The following TLE6 variants were observed in gnomAD, a reference collection of about 807,000 sequenced individuals.
TLE6 encodes the protein TLE family member 6, subcortical maternal complex member.
In TLE6, 72 loss-of-function variants were observed where a neutral mutation model predicts 77.1. That is an observed-to-expected ratio of 0.93 (90% CI 0.77 to 1.14). The LOEUF is 1.14. Among genes scored for constraint, TLE6 ranks in the 50% most tolerant of loss-of-function variants. The probability of loss-of-function intolerance (pLI) is 0.00; values close to 1 mark genes in which losing one functional copy is unlikely to be tolerated. For missense variants in TLE6, 843 were observed against 747.6 expected (o/e 1.13, Z -1.49); for synonymous variants, 366 against 287.3 (o/e 1.27, Z -2.77).
chr19:2,987,098 G>A lies in TLE6; in HGVS notation c.401G>A (p.Arg134Gln), dbSNP rs112012418. The change falls in exon 7 of 17, where the codon CGG becomes CAG. Residue 134 changes from arginine (R) to glutamine (Q), a missense_variant. Physicochemically the swap from Arg to Gln is conservative, Grantham distance 43 (BLOSUM62 1). Transcript: ENST00000246112. The stretch of plus-strand genomic sequence containing the variant: ...ACCAGGTCCTCCGACTGGCTCCGGC[G>A]GCCTTTGGGGGAGGACAATCAGCCG... ...MATRSSDWLRRPLGEDNQPET... is the reference protein window; with the variant it reads ...MATRSSDWLRQPLGEDNQPET... 4.0e-5 allele frequency: 64 copies of A among 1,614,036 alleles called. No individual in the cohort carries two copies. Among genetic ancestry groups the A allele is most frequent in the South Asian group, 1.1e-4 (10 of 91,094 alleles).
chr19:2,986,945 T>A, intron 6 of TLE6, 38 bp from the exon 7 acceptor site: 1 of 1,558,288 alleles, frequency 6.4e-7, no homozygotes. Flanking sequence ...TGAAGGCTCA[T>A]CCTCAAAGCT....
At position 2,989,204 on chromosome 19, in the gene TLE6, G is replaced by T. The variant is rs1199763375; in HGVS notation, c.884G>T (p.Ser295Ile). The T allele has an allele frequency of 6.2e-7, 1 of 1,614,038 alleles. No individual in the cohort carries two copies. Among genetic ancestry groups the T allele is most frequent in the African/African-American group, 1.3e-5 (1 of 74,954 alleles). ...HGELVLATAI[S>I]SFTRHVFTCG... Reference sequence around the variant, plus strand: ...GAGCTCGTGCTCGCCACGGCCATCAGCAGCTTCACGCGGCACGTGTTCACC... The same window carrying T: ...GAGCTCGTGCTCGCCACGGCCATCATCAGCTTCACGCGGCACGTGTTCACC... The change falls in exon 12 of 17, where the codon AGC (serine) becomes ATC (isoleucine). Residue 295 changes from serine (S) to isoleucine (I), a missense_variant. Physicochemically the swap from Ser to Ile is moderately radical, Grantham distance 142. Transcript: ENST00000246112.
chr19:2,992,045 T>C, intron 14 of TLE6, 61 bp downstream of exon 14: 3 of 1,591,720 alleles, frequency 1.9e-6, no homozygotes, highest in Non-Finnish European at 2.6e-6. Context: ...GATTAAAAAA[T>C]GAGGTTGAGG....
In TLE6 at chr19:2,994,940, C is replaced by A. The variant is rs778271167; in HGVS notation, c.1655C>A (p.Ser552Tyr). The A allele has an allele frequency of 1.2e-6, 2 of 1,608,360 alleles. No homozygotes were observed. The highest frequency in any genetic ancestry group is 1.7e-5 in the Admixed American group (1 of 59,520). ...MSPVTCCDVS[S>Y]NNRLVVTGSG... ...CCAGTCACGTGCTGTGACGTCTCTTCCAACAACCGCCTCGTTGTCACAGGC... is the reference window on the plus strand; with the variant it reads ...CCAGTCACGTGCTGTGACGTCTCTTACAACAACCGCCTCGTTGTCACAGGC... Residue 552 changes from serine to tyrosine, a missense_variant, in exon 17 of 17, where the codon TCC becomes TAC. Ser to Tyr is a moderately radical substitution (Grantham distance 144). Transcript: ENST00000246112.
Position 2,993,443 on chromosome 19 carries a change from G to A in TLE6, c.1398G>A (p.Leu466=), listed in dbSNP as rs200869544. 1.8e-5 allele frequency: 29 copies of A among 1,601,766 alleles called. No homozygotes were observed. The East Asian group carries it at 6.1e-4, about 34-fold the overall frequency. ...EYQFKSQIMS[L]SHSPQEDWVL... ...TGCCCATTACCTAGATAATGAGCCT[G>A]TCCCACAGCCCCCAGGAGGACTGGG... is the stretch of plus-strand genomic sequence containing the variant. The change falls in exon 15 of 17, where the codon CTG becomes CTA. Residue 466 remains leucine, a synonymous_variant. Coordinates refer to ENST00000246112, the MANE Select transcript of TLE6 (RefSeq NM_001143986.2).
chr19:2,978,432 C>G, intron 2 of TLE6, 148 bp downstream of exon 2: 1 of 751,014 alleles, frequency 1.3e-6, no homozygotes, highest in South Asian at 1.8e-5. Context: ...AAGACAGGTG[C>G]CAAGGAGCCG....
chr19:2,993,997 G>C (rs372757142), intron 15 of TLE6, 22 bp from the exon 16 acceptor site: 7 of 1,588,396 alleles, frequency 4.4e-6, no homozygotes, highest in Admixed American at 1.8e-5. Context: ...TCTAAGTCTC[G>C]CTGATGCTCC....
intron 11 of TLE6, among the ~76,000 whole-genome samples, chr19:2,988,422 C>T (rs2088966058): frequency 6.6e-6 from 1 of 152,044 alleles, no homozygotes; most frequent in Non-Finnish European, 1.5e-5. Context: ...CGGTGAAACC[C>T]CGTCTCTACT....
intron 11 of TLE6, 33 bp from the exon 12 acceptor site, chr19:2,989,028 C>T (rs1017254817): frequency 1.9e-6 from 3 of 1,605,582 alleles, no homozygotes; most frequent in Non-Finnish European, 1.7e-6. Flanking sequence ...GGCTCACAAG[C>T]AGGTCAGTTA....
intron 12 of TLE6, 76 bp downstream of exon 12, chr19:2,989,389 C>T: frequency 1.3e-6 from 2 of 1,593,034 alleles, no homozygotes; most frequent in East Asian, 2.2e-5. Context: ...TGGCAGAGCC[C>T]AGATCGTGGA....
In TLE6 at chr19:2,986,868, C is replaced by G; in HGVS notation, c.262C>G (p.Leu88Val). 6.4e-7 allele frequency: 1 copy of G among 1,551,782 alleles called. No homozygotes were observed. Among genetic ancestry groups the G allele is most frequent in the Non-Finnish European group, 8.7e-7 (1 of 1,147,018 alleles). ...VLQIVESCSQ[L>V]QGFQSEEVSP... Reference sequence around the variant, plus strand: ...ACAGATTGTGGAGAGCTGCAGCCAACTCCAGGGTTTCCAGTCTGAGGAGGT... The same window carrying G: ...ACAGATTGTGGAGAGCTGCAGCCAAGTCCAGGGTTTCCAGTCTGAGGAGGT... The change falls in exon 6 of 17, where the codon CTC becomes GTC. Residue 88 changes from leucine to valine, a missense_variant. Transcript: ENST00000246112.
chr19:2,982,321 T>A (rs906723258), intron 5 of TLE6, 132 bp downstream of exon 5: 20 of 961,614 alleles, frequency 2.1e-5, no homozygotes, highest in Non-Finnish European at 3.0e-5. Flanking sequence ...GTGGATCACT[T>A]GAGGTCAGGA....
chr19:2,987,346 A>C lies in TLE6; in HGVS notation c.542-10A>C, dbSNP rs767771606. ...TGTCCCCCTCCTCCTCTCCGTTGTC[A>C]TGGTGACAGAGCAGGCACCAGGCCT... On this transcript the variant is annotated splice_polypyrimidine_tract_variant and intron_variant, in intron 7 of 16. Coordinates refer to ENST00000246112, the MANE Select transcript of TLE6 (RefSeq NM_001143986.2). The C allele has an allele frequency of 6.8e-5, 109 of 1,614,010 alleles. No homozygotes were observed. The highest frequency in any genetic ancestry group is 9.2e-5 in the Non-Finnish European group (108 of 1,180,032).
At chr19:2,991,393 TATACACACAC>T (rs1406261884) in intron 13 of TLE6, among the ~76,000 whole-genome samples, 1 of 110,058 alleles carries the variant, frequency 9.1e-6, no homozygotes, top group Non-Finnish European at 1.8e-5. Context: ...TATATATATA[TATACACACAC>T]ACACACACAC....
rs775845888 is a variant in TLE6 at position 2,985,698 on chromosome 19, C to T, written c.223-1131C>T. ...CCTCCCAGAGTGCTGGGATTACAGG[C>T]GTGAGCCACCGCACCCGGCCTGCTT... is the stretch of plus-strand genomic sequence containing the variant. On this transcript the variant is annotated intron_variant, in intron 5 of 16. Coordinates refer to ENST00000246112, the MANE Select transcript of TLE6 (RefSeq NM_001143986.2). Among the ~76,000 whole-genome samples, 7 of 146,778 alleles carry T rather than the reference C, an allele frequency of 4.8e-5. No homozygotes were observed. The Admixed American group carries it at 4.8e-4, about 10-fold the overall frequency.
chr19:2,978,118 G>C, intron 1 of TLE6, 80 bp from the exon 2 acceptor site: 1 of 1,045,006 alleles, frequency 9.6e-7, no homozygotes, highest in East Asian at 2.6e-5. Flanking sequence ...GGAGGTGCGG[G>C]TGGGGTAACG....
Position 2,993,578 on chromosome 19 carries a change from C to G in TLE6, c.1533C>G (p.Pro511=), listed in dbSNP as rs1423891900. The change falls in exon 15 of 17, where the codon CCC becomes CCG. Residue 511 remains proline (P), a synonymous_variant. Coordinates refer to ENST00000246112, the MANE Select transcript of TLE6 (RefSeq NM_001143986.2). ...TCATCCTGAGCGTCAAGTTCTCCCCCTTTGGTAAGCGGCTGGCGGAAGATG... is the reference window on the plus strand; with the variant it reads ...TCATCCTGAGCGTCAAGTTCTCCCCGTTTGGTAAGCGGCTGGCGGAAGATG... ...DSVILSVKFS[P]FGQWWASVGM... is the part of the protein sequence containing the mutation. The G allele has an allele frequency of 1.9e-6, 3 of 1,557,538 alleles. No homozygotes were observed. Among genetic ancestry groups the G allele is most frequent in the East Asian group, 2.3e-5 (1 of 43,632 alleles).
At chr19:2,983,627 G>GA (rs142723711) in intron 5 of TLE6, among the ~76,000 whole-genome samples, 114 of 148,944 alleles carry the variant, frequency 7.7e-4, no homozygotes, top group Non-Finnish European at 1.1e-3. Context: ...AGAGGAGGAG[G>GA]GGGGGAGGGC....
chr19:2,992,060 G>T (rs2089080292), intron 14 of TLE6, 76 bp downstream of exon 14: 4 of 1,556,474 alleles, frequency 2.6e-6, no homozygotes, highest in Non-Finnish European at 3.5e-6. Context: ...TTGAGGCCGG[G>T]CTCCGTGGCT....
Sources: gnomAD v4.1 joint callset for allele counts (sites outside exome capture counted in the v4.1 genomes callset) on GRCh38, gnomAD v4.1.1 for gene constraint, MANE v1.5 for transcripts, NCBI Gene and HGNC (gene_info 2026-07-23, HGNC 2026-07-21) for gene names.